The following NBPF14 variants were observed in gnomAD, a reference collection of about 807,000 sequenced individuals.
The protein encoded by NBPF14 is NBPF family member NBPF14.
In NBPF14, 104 loss-of-function variants were observed where a neutral mutation model predicts 91.2. The observed-to-expected ratio is 1.14, with a 90% CI of 0.97 to 1.34. The LOEUF is 1.34. Among genes scored for constraint, NBPF14 ranks in the 40% most tolerant of loss-of-function variants. The probability of loss-of-function intolerance (pLI) is 0.00; values close to 1 mark genes in which losing one functional copy is unlikely to be tolerated. For synonymous variants in NBPF14, 294 were observed against 303.8 expected, an observed-to-expected ratio of 0.97 and a Z score of 0.34; for missense variants, 908 against 783.0, an observed-to-expected ratio of 1.16 and a Z score of -1.91.
intron 6 of NBPF14, among the ~76,000 whole-genome samples, chr1:148,589,763 C>T (rs1662136042): frequency 6.8e-6 from 1 of 146,130 alleles, no homozygotes; most frequent in African/African-American, 2.5e-5. Flanking sequence ...GACGGAGTCT[C>T]ACTCTGTCAC....
Position 148,591,426 on chromosome 1 carries a change from T to C in NBPF14, c.566+6A>G. On this transcript the variant is annotated splice_donor_region_variant and intron_variant, in intron 5 of 70. Coordinates refer to ENST00000619423, the Ensembl canonical transcript of NBPF14. Reference sequence around the variant, plus strand: ...CCATTACTTGCTCCTGAGTATTCAGTGTTACCTGGGGGCAGATGATTCCAG... The same window carrying C: ...CCATTACTTGCTCCTGAGTATTCAGCGTTACCTGGGGGCAGATGATTCCAG... 6.2e-7 allele frequency: 1 copy of C among 1,603,760 alleles called. No homozygotes were observed. Among genetic ancestry groups the C allele is most frequent in the South Asian group, 1.1e-5 (1 of 90,694 alleles).
chr1:148,587,029 G>T (rs1661656656), intron 8 of NBPF14, among the ~76,000 whole-genome samples: 1 of 146,926 alleles, frequency 6.8e-6, no homozygotes, highest in Non-Finnish European at 1.5e-5. Context: ...CTGCTGTGTG[G>T]TTCACACTCC....
chr1:148,576,051 G>C (rs1188807736), intron 16 of NBPF14, among the ~76,000 whole-genome samples: 1 of 146,888 alleles, frequency 6.8e-6, no homozygotes, highest in Admixed American at 6.7e-5. Flanking sequence ...CAGCGAATTG[G>C]CCGGGTGACA....
In NBPF14 at chr1:148,587,356, G is replaced by A. The variant is rs1404948550; in HGVS notation, c.1036C>T (p.Arg346Ter). The A allele has an allele frequency of 2.9e-4, 456 of 1,582,650 alleles. 42 individuals carry two copies. Among genetic ancestry groups the A allele is most frequent in the Non-Finnish European group, 3.6e-4 (420 of 1,159,816 alleles). The change falls in exon 8 of 71, where the codon CGA becomes TGA. Residue 346 changes from arginine to a stop codon, truncating the protein, a stop_gained. Coordinates refer to ENST00000619423, the Ensembl canonical transcript of NBPF14. LOFTEE classifies it high-confidence loss of function. ...GCAAGCTTCTCCTCCTTGAACTGTC[G>A]CTCATTCCTCAGCATAAATTTTATG...
intron 15 of NBPF14, among the ~76,000 whole-genome samples, 197 bp downstream of exon 15, chr1:148,576,986 A>T: frequency 6.9e-6 from 1 of 145,014 alleles, no homozygotes. Flanking sequence ...TGAGACTAGG[A>T]AGAGAGCCTT....
chr1:148,533,795 T>G, intron 70 of NBPF14, 66 bp downstream of exon 70: 1 of 765,278 alleles, frequency 1.3e-6, no homozygotes. Flanking sequence ...CACACTCTGG[T>G]TTCCCTGAAT....
exon 21 of NBPF14, chr1:148,572,547 G>C (rs1436104245): frequency 1.2e-5 from 8 of 656,898 alleles, no homozygotes; most frequent in Non-Finnish European, 1.9e-5. Flanking sequence ...TGAAGGAGTC[G>C]AATAACATCT....
At position 148,591,651 on chromosome 1, in the gene NBPF14, G is replaced by T. The variant is rs1411424411; in HGVS notation, c.494-147C>A. The T allele has an allele frequency of 4.6e-6, 5 of 1,093,502 alleles. No homozygotes were observed. The East Asian group carries it at 9.7e-5, about 21-fold the overall frequency. The allele number at this position is 1,093,502 out of a possible 1,614,324, so 67.7% of individuals were successfully genotyped here. A position where few individuals can be genotyped will look rare whatever the true frequency, so the allele number is the denominator to read the frequency against. ...TGTTTTATCTTTCACAAAATGCCCTGGCATGGTTTCCTGGTCCATCGGGCA... is the reference window on the plus strand; with the variant it reads ...TGTTTTATCTTTCACAAAATGCCCTTGCATGGTTTCCTGGTCCATCGGGCA... On this transcript the variant is annotated intron_variant, in intron 4 of 70. Transcript: ENST00000619423.
chr1:148,559,808 C>T (rs1262199618), exon 37 of NBPF14: 17 of 1,528,590 alleles, frequency 1.1e-5, no homozygotes, highest in East Asian at 7.4e-5. Context: ...ATGTCAACAG[C>T]CAAGCCAACA....
chr1:148,533,671 C>T (rs1402200827), intron 70 of NBPF14, among the ~76,000 whole-genome samples, 190 bp downstream of exon 70: 5 of 149,010 alleles, frequency 3.4e-5, no homozygotes, highest in South Asian at 2.1e-4. Flanking sequence ...ACCTATGGTA[C>T]GTTAGGAAAT....
intron 13 of NBPF14, among the ~76,000 whole-genome samples, chr1:148,578,801 G>A (rs1194408074): frequency 6.7e-6 from 1 of 149,298 alleles, no homozygotes; most frequent in African/African-American, 2.5e-5. Context: ...TTTGGTGTGA[G>A]TTTGCCACAC....
rs1262365351 is a variant in NBPF14 at position 148,566,631 on chromosome 1, C to G, written c.3543-316G>C. Among the ~76,000 whole-genome samples the G allele has an allele frequency of 5.7e-5, 8 of 140,000 alleles. No individual in the cohort carries two copies. The South Asian group carries it at 1.2e-3, about 21-fold the overall frequency. 91.8% of individuals were successfully genotyped at this position (140,000 alleles called of 152,430 possible). A position where few individuals can be genotyped will look rare whatever the true frequency, so the allele number is the denominator to read the frequency against. ...TAACAGGACACTCTGAGTTAGTGCCCTCAGGACACACAGCATACAGGGATC... is the reference window on the plus strand; with the variant it reads ...TAACAGGACACTCTGAGTTAGTGCCGTCAGGACACACAGCATACAGGGATC... On this transcript the variant is annotated intron_variant, in intron 28 of 70. Transcript: ENST00000619423.
At chr1:148,534,829 T>G (rs1410941234) in exon 69 of NBPF14, 3 of 1,129,024 alleles carry the variant, frequency 2.7e-6, no homozygotes, top group East Asian at 2.3e-5. Context: ...CTTCAGGATC[T>G]TTCTCATCCA....
chr1:148,593,213 CATTG>C (rs1327852620), intron 3 of NBPF14, among the ~76,000 whole-genome samples: 1 of 148,396 alleles, frequency 6.7e-6, no homozygotes, highest in African/African-American at 2.4e-5. Context: ...GAGGAGGCAA[CATTG>C]ATTGAGTGAA....
chr1:148,535,026 A>G (rs1244745285), intron 68 of NBPF14, among the ~76,000 whole-genome samples, 170 bp from the exon 69 acceptor site: 1 of 147,212 alleles, frequency 6.8e-6, no homozygotes, highest in African/African-American at 2.7e-5. Context: ...GGCCAGGTAG[A>G]AAAGAATGAA....
chr1:148,534,836 T>A, exon 69 of NBPF14: 3 of 1,072,412 alleles, frequency 2.8e-6, no homozygotes, highest in East Asian at 2.4e-5. Flanking sequence ...ATCTTTCTCA[T>A]CCAGCAGCTC....
At chr1:148,534,931 C>A (rs1654765956) in intron 68 of NBPF14, 75 bp from the exon 69 acceptor site, 5 of 740,478 alleles carry the variant, frequency 6.8e-6, no homozygotes, top group South Asian at 2.8e-5. Flanking sequence ...GATTTCATGG[C>A]TAACATAAGG....
chr1:148,557,148 C>G (rs1656745486), intron 40 of NBPF14, among the ~76,000 whole-genome samples: 1 of 116,116 alleles, frequency 8.6e-6, no homozygotes, highest in Non-Finnish European at 1.6e-5. Flanking sequence ...GAGGGAGTAA[C>G]AGGACACTCT....
intron 36 of NBPF14, among the ~76,000 whole-genome samples, chr1:148,560,236 T>C (rs1483166415): frequency 1.6e-3 from 238 of 149,002 alleles, no homozygotes; most frequent in Non-Finnish European, 2.1e-3. Flanking sequence ...GACATACTGG[T>C]AAGGGAGTCA....
Sources: gnomAD v4.1 joint callset for allele counts (sites outside exome capture counted in the v4.1 genomes callset) on GRCh38, gnomAD v4.1.1 for gene constraint, MANE v1.5 for transcripts, NCBI Gene and HGNC (gene_info 2026-07-23, HGNC 2026-07-21) for gene names.